Variants in ANO5 observed in about 807,000 individuals in gnomAD.
ANO5 encodes the protein anoctamin 5.
A neutral mutation model predicts 121.0 loss-of-function variants in ANO5; 109 were observed. The ratio of observed to expected loss-of-function variants is 0.90; its 90% CI spans 0.77 to 1.06. ANO5 has a LOEUF of 1.06. Among genes scored for constraint, ANO5 ranks in the 50% least tolerant of loss-of-function variants. ANO5 has a pLI of 0.00. For synonymous variants in ANO5, 406 were observed against 359.9 expected (o/e 1.13, Z -1.45); for missense variants, 1,064 against 1,078.5 (o/e 0.99, Z 0.19).
chr11:22,225,142 G>C (rs890984628), intron 5 of ANO5, among the ~76,000 whole-genome samples: 2 of 152,000 alleles, frequency 1.3e-5, no homozygotes, highest in African/African-American at 4.8e-5. Context: ...AAGAAAAAAT[G>C]CTTTTTTTTG....
At chr11:22,250,489 C>G in intron 10 of ANO5, 118 bp downstream of exon 10, 1 of 1,405,650 alleles carries the variant, frequency 7.1e-7, no homozygotes, top group Non-Finnish European at 9.8e-7. Flanking sequence ...AGCAGATAAT[C>G]GATATTTTCC....
intron 15 of ANO5, 98 bp downstream of exon 15, chr11:22,259,839 G>A: frequency 7.9e-7 from 1 of 1,265,270 alleles, no homozygotes; most frequent in African/African-American, 1.5e-5. Context: ...ATTTTCAAAG[G>A]ACACATTTTA....
In ANO5 at chr11:22,276,137, T is replaced by C. The variant is rs769775434; in HGVS notation, c.2458T>C (p.Phe820Leu). The C allele has an allele frequency of 1.7e-5, 28 of 1,611,512 alleles. No homozygotes were observed. The highest frequency in any genetic ancestry group is 1.8e-5 in the Non-Finnish European group (21 of 1,178,208). Reference sequence around the variant, plus strand: ...TCCTCCTGATGACGAGAATAAATATTTTCATAATATGCAATTCTGGCATGT... The same window carrying C: ...TCCTCCTGATGACGAGAATAAATATCTTCATAATATGCAATTCTGGCATGT... ...RYPPDDENKY[F>L]HNMQFWHVLA... Residue 820 changes from phenylalanine (F) to leucine (L), a missense_variant, in exon 21 of 22, where the codon TTT becomes CTT. Coordinates refer to ENST00000324559, the MANE Select transcript of ANO5 (RefSeq NM_213599.3).
intron 12 of ANO5, 113 bp from the exon 13 acceptor site, chr11:22,255,258 A>G (rs887412193): frequency 1.3e-6 from 1 of 784,488 alleles, no homozygotes; most frequent in African/African-American, 1.7e-5. Flanking sequence ...ACAGTGAAAG[A>G]ATAGCCACCT....
At chr11:22,262,488 A>C (rs568674931) in intron 16 of ANO5, among the ~76,000 whole-genome samples, 190 bp downstream of exon 16, 1 of 152,238 alleles carries the variant, frequency 6.6e-6, no homozygotes, top group African/African-American at 2.4e-5. Context: ...TTTTTGAGCA[A>C]GAAGTTACAT....
intron 2 of ANO5, among the ~76,000 whole-genome samples, chr11:22,210,487 C>G (rs1210250332): frequency 2.0e-5 from 3 of 151,846 alleles, no homozygotes; most frequent in African/African-American, 7.3e-5. Context: ...TTTCCAAGAA[C>G]AAGGTAAGTG....
intron 15 of ANO5, among the ~76,000 whole-genome samples, chr11:22,261,823 G>A (rs59461096): frequency 1.2e-3 from 181 of 152,152 alleles, no homozygotes; most frequent in African/African-American, 3.9e-3. Flanking sequence ...TTGGGACAGA[G>A]TGCCAAACCA....
chr11:22,223,191 A>G (rs941938434), intron 5 of ANO5, among the ~76,000 whole-genome samples: 2 of 151,982 alleles, frequency 1.3e-5, no homozygotes, highest in African/African-American at 4.8e-5. Context: ...TTAGGGGTTC[A>G]TTAGAAGGAA....
chr11:22,277,654 T>C (rs981938455), intron 21 of ANO5: 1 of 151,652 alleles, frequency 6.6e-6, no homozygotes, highest in African/African-American at 2.4e-5. Context: ...TAGTTCCTTA[T>C]GAATTTATCA....
Position 22,267,525 on chromosome 11 carries a change from A to ATATATATATATATATATAT in ANO5, c.1899-2787_1899-2786insTATATATATATATATATAT, listed in dbSNP as rs1239852095. 1.6e-3 allele frequency among the ~76,000 whole-genome samples: 227 copies of ATATATATATATATATATAT among 139,980 alleles called. 1 individual carries two copies. Among genetic ancestry groups the ATATATATATATATATATAT allele is most frequent in the African/African-American group, 6.3e-3 (201 of 31,822 alleles). 91.8% of individuals were successfully genotyped at this position (139,980 alleles called of 152,430 possible). ...ATCTACAATTATATATATATATATA[A>ATATATATATATATATATAT]AATCTATCTACAATTATACCAAGTG... On this transcript the variant is annotated intron_variant, in intron 17 of 21. Coordinates refer to ENST00000324559, the MANE Select transcript of ANO5 (RefSeq NM_213599.3).
intron 18 of ANO5, 107 bp downstream of exon 18, chr11:22,270,549 T>C: frequency 6.6e-7 from 1 of 1,521,248 alleles, no homozygotes; most frequent in Non-Finnish European, 9.0e-7. Flanking sequence ...CAATAAATCT[T>C]TGACTGGTTG....
Position 22,239,576 on chromosome 11 carries a change from A to T in ANO5, c.770A>T (p.Tyr257Phe), listed in dbSNP as rs1853355165. ...SSAYPLHDGQ[Y>F]WKPSEPPNPT... ...CCTCTTGAATATCTGCAGGGCCAAT[A>T]TTGGAAGCCATCAGAACCTCCCAAT... is the stretch of plus-strand genomic sequence containing the variant. The change falls in exon 9 of 22, where the codon TAT becomes TTT. Residue 257 changes from tyrosine (Y) to phenylalanine (F), a missense_variant. By Grantham distance (22) the Tyr-to-Phe change is conservative. Transcript: ENST00000324559. 1.2e-6 allele frequency: 2 copies of T among 1,611,066 alleles called. No individual in the cohort carries two copies. The highest frequency in any genetic ancestry group is 1.7e-6 in the Non-Finnish European group (2 of 1,177,638).
rs1356467339 is a variant in ANO5, at chr11:22,279,731, A to G, written c.2708A>G (p.Glu903Gly). Residue 903 changes from glutamate to glycine, a missense_variant, in exon 22 of 22, where the codon GAA becomes GGA. By Grantham distance (98) the Glu-to-Gly change is moderately conservative (BLOSUM62 -2). Transcript: ENST00000324559. ...TTTGCCAAGCATGTCATGATTGAGG[A>G]AAACAAAGCACAGCTGGCTAAATCA... ...NEFAKHVMIEENKAQLAKSTL is the reference protein window; with the variant it reads ...NEFAKHVMIEGNKAQLAKSTL 1.9e-6 allele frequency: 3 copies of G among 1,612,852 alleles called. No individual in the cohort carries two copies. The highest frequency in any genetic ancestry group is 1.7e-6 in the Non-Finnish European group (2 of 1,179,180).
chr11:22,227,639 G>C, intron 7 of ANO5, 53 bp downstream of exon 7: 1 of 1,591,052 alleles, frequency 6.3e-7, no homozygotes, highest in Non-Finnish European at 8.6e-7. Context: ...ATGTATGCTT[G>C]TGTGTGCTTT....
intron 12 of ANO5, among the ~76,000 whole-genome samples, chr11:22,253,125 C>T (rs1028101952): frequency 6.6e-6 from 1 of 151,988 alleles, no homozygotes; most frequent in African/African-American, 2.4e-5. Context: ...TGAAAAAGGT[C>T]AAGTCCTACT....
At position 22,211,259 on chromosome 11, in the gene ANO5, G is replaced by C; in HGVS notation, c.88-5G>C. 6.2e-7 allele frequency: 1 copy of C among 1,611,954 alleles called. No homozygotes were observed. The highest frequency in any genetic ancestry group is 1.1e-5 in the South Asian group (1 of 91,058). ...TAGCATTATATCTTCCCCTGGTACT[G>C]TTAGCAGAGCCTGAGCAGCAGAGAG... On this transcript the variant is annotated splice_polypyrimidine_tract_variant and splice_region_variant and intron_variant, in intron 2 of 21. Transcript: ENST00000324559.
chr11:22,193,075 G>A (rs1274085737), upstream of ANO5: 1 of 1,058,144 alleles, frequency 9.5e-7, no homozygotes, highest in Non-Finnish European at 1.1e-6. Context: ...AGCTGCCAGA[G>A]GGCAGGAGTG....
chr11:22,195,332 T>G (rs1409649128), intron 1 of ANO5, among the ~76,000 whole-genome samples: 2 of 152,222 alleles, frequency 1.3e-5, no homozygotes, highest in Admixed American at 6.5e-5. Flanking sequence ...TACAAGTCCC[T>G]TATTAGATAT....
At position 22,281,522 on chromosome 11, in the gene ANO5, A is replaced by C. The variant is rs886048136; in HGVS notation, c.*1757A>C. On this transcript the variant is annotated 3_prime_UTR_variant, in exon 22 of 22. Coordinates refer to ENST00000324559, the MANE Select transcript of ANO5 (RefSeq NM_213599.3). ...TAGAGAAGATAATATTTCTTTCTTG[A>C]AAAAACAAGTCAGGCTTACCATGAT... is the stretch of plus-strand genomic sequence containing the variant. 3.3e-4 allele frequency: 11 copies of C among 33,192 alleles called. No homozygotes were observed. In the East Asian group the frequency reaches 4.5e-3, roughly 14 times the overall value. 2.1% of individuals were successfully genotyped at this position (33,192 alleles called of 1,614,324 possible).
Sources: allele counts gnomAD v4.1 joint callset (sites outside exome capture counted in the v4.1 genomes callset), GRCh38; gene constraint gnomAD v4.1.1; transcripts MANE v1.5; gene names NCBI Gene and HGNC (gene_info 2026-07-23, HGNC 2026-07-21).